Variants in NRG1 observed in about 807,000 individuals in gnomAD.
NRG1 encodes pro-neuregulin-1, membrane-bound isoform.
A neutral mutation model predicts 63.8 loss-of-function variants in NRG1; 18 were observed. That is an observed-to-expected ratio of 0.28 (90% CI 0.19 to 0.42). NRG1 has a LOEUF of 0.42. Among genes scored for constraint, NRG1 ranks in the 10% least tolerant of loss-of-function variants. NRG1 has a pLI of 1.00. For synonymous variants in NRG1, 302 were observed against 301.3 expected (o/e 1.00, Z -0.02); for missense variants, 762 against 814.7 (o/e 0.94, Z 0.79).
chr8:31,793,996 G>A (rs768686305), intron 1 of NRG1, among the ~76,000 whole-genome samples: 1 of 146,366 alleles, frequency 6.8e-6, no homozygotes, highest in African/African-American at 2.5e-5. Flanking sequence ...TTAACTTTAT[G>A]TTTTCCCCAA....
chr8:32,139,124 T>A, intron 1 of NRG1: 1 of 152,340 alleles, frequency 6.6e-6, no homozygotes, highest in African/African-American at 2.4e-5. Flanking sequence ...CCCAGATACA[T>A]GCAGAGTCAA....
chr8:32,095,217 G>A (rs974652094), intron 1 of NRG1, among the ~76,000 whole-genome samples: 1 of 152,056 alleles, frequency 6.6e-6, no homozygotes, highest in African/African-American at 2.4e-5. Flanking sequence ...GCCATTTTCA[G>A]CATTTTTTGA....
intron 1 of NRG1, among the ~76,000 whole-genome samples, chr8:31,908,681 G>T (rs905837921): frequency 7.9e-5 from 12 of 152,036 alleles, no homozygotes; most frequent in Admixed American, 7.9e-4. Context: ...AAAATATTAT[G>T]TAAATATTGC....
In NRG1 at chr8:31,813,305, A is replaced by G. The variant is rs1487220374; in HGVS notation, c.37+173874A>G. On this transcript the variant is annotated intron_variant, in intron 1 of 10. Coordinates refer to the NRG1 transcript ENST00000519301. Reference sequence around the variant, plus strand: ...GGGTACATAGTAGGTGTATGTATGTATGGGGTACATGTGATACTTTGGTGC... The same window carrying G: ...GGGTACATAGTAGGTGTATGTATGTGTGGGGTACATGTGATACTTTGGTGC... Among the ~76,000 whole-genome samples the G allele has an allele frequency of 3.3e-5, 5 of 152,268 alleles. No individual in the cohort carries two copies. The East Asian group carries it at 5.8e-4, about 18-fold the overall frequency.
intron 1 of NRG1, among the ~76,000 whole-genome samples, chr8:32,140,491 C>T (rs558276857): frequency 2.6e-5 from 4 of 151,592 alleles, no homozygotes; most frequent in African/African-American, 9.7e-5. Flanking sequence ...GAGAAAAGAC[C>T]TCACTCTGTT....
intron 1 of NRG1, among the ~76,000 whole-genome samples, chr8:31,975,060 T>C (rs577889060): frequency 6.6e-6 from 1 of 152,314 alleles, no homozygotes; most frequent in Non-Finnish European, 1.5e-5. Flanking sequence ...TGTCATCTTT[T>C]CTTTCAGGGT....
At chr8:31,779,394 G>T (rs1819460965) in intron 1 of NRG1, among the ~76,000 whole-genome samples, 1 of 151,860 alleles carries the variant, frequency 6.6e-6, no homozygotes, top group African/African-American at 2.4e-5. Flanking sequence ...TTTTGCTACA[G>T]ATTGCAGGCT....
At chr8:31,947,546 A>G (rs1286900746) in intron 1 of NRG1, among the ~76,000 whole-genome samples, 10 of 152,150 alleles carry the variant, frequency 6.6e-5, no homozygotes, top group Non-Finnish European at 4.4e-5. Context: ...CTCTGTTCAC[A>G]TATCCCTTTG....
chr8:32,050,566 A>G (rs1002873504), intron 1 of NRG1, among the ~76,000 whole-genome samples: 16 of 152,132 alleles, frequency 1.1e-4, no homozygotes, highest in African/African-American at 3.4e-4. Context: ...CTCCACAGAC[A>G]GCTTCTTGTG....
intron 1 of NRG1, among the ~76,000 whole-genome samples, chr8:32,094,819 A>C (rs1442683073): frequency 6.9e-6 from 1 of 144,594 alleles, no homozygotes; most frequent in African/African-American, 2.7e-5. Flanking sequence ...TCTGGCACCA[A>C]CCCAAACCAC....
At chr8:31,834,585 C>T (rs1196261183) in intron 1 of NRG1, among the ~76,000 whole-genome samples, 1 of 152,104 alleles carries the variant, frequency 6.6e-6, no homozygotes, top group East Asian at 1.9e-4. Context: ...GTGGTGTATG[C>T]CTGCAGTCCC....
At chr8:32,513,199 G>C (rs199863945) in intron 1 of NRG1, among the ~76,000 whole-genome samples, 3 of 132,932 alleles carry the variant, frequency 2.3e-5, no homozygotes, top group African/African-American at 8.8e-5. Flanking sequence ...GTGTATGCGT[G>C]TGTGCGTGTG....
intron 1 of NRG1, among the ~76,000 whole-genome samples, chr8:32,466,896 T>C (rs1823134959): frequency 6.6e-6 from 1 of 152,108 alleles, no homozygotes; most frequent in South Asian, 2.1e-4. Context: ...AGTAGAATGA[T>C]AATATTATTA....
chr8:32,452,584 G>A (rs1821097704), intron 1 of NRG1, among the ~76,000 whole-genome samples: 1 of 152,130 alleles, frequency 6.6e-6, no homozygotes, highest in Non-Finnish European at 1.5e-5. Context: ...GGGCTTAATT[G>A]TAAAAACCTT....
chr8:32,655,727 T>G (rs1801330974), intron 5 of NRG1, among the ~76,000 whole-genome samples: 1 of 152,168 alleles, frequency 6.6e-6, no homozygotes, highest in African/African-American at 2.4e-5. Context: ...CATAGATTAT[T>G]ACTTTTTGAG....
intron 1 of NRG1, among the ~76,000 whole-genome samples, chr8:31,657,223 G>T (rs1480810769): frequency 6.6e-6 from 1 of 152,046 alleles, no homozygotes; most frequent in Non-Finnish European, 1.5e-5. Context: ...TTTATATTGG[G>T]TTTTTCCTAA....
chr8:31,942,369 C>T (rs1161220869), intron 1 of NRG1, among the ~76,000 whole-genome samples: 1 of 152,090 alleles, frequency 6.6e-6, no homozygotes, highest in African/African-American at 2.4e-5. Flanking sequence ...CATCTCTTAT[C>T]CTATGCAAAA....
intron 1 of NRG1, among the ~76,000 whole-genome samples, chr8:32,127,528 C>CGTGTGTGTGTGTGTGTGT (rs3084577): frequency 4.8e-5 from 7 of 146,278 alleles, no homozygotes; most frequent in African/African-American, 1.3e-4. Context: ...TGTATCTGCA[C>CGTGTGTGTGTGTGTGTGT]GTGTGTGTGT....
At chr8:32,293,194 A>G (rs1410953193) in intron 1 of NRG1, among the ~76,000 whole-genome samples, 1 of 152,236 alleles carries the variant, frequency 6.6e-6, no homozygotes, top group Admixed American at 6.5e-5. Context: ...TTGTTCCGTT[A>G]TATGATAAAA....
Sources: gnomAD v4.1 joint callset for allele counts (sites outside exome capture counted in the v4.1 genomes callset) on GRCh38, gnomAD v4.1.1 for gene constraint, MANE v1.5 for transcripts, NCBI Gene and HGNC (gene_info 2026-07-23, HGNC 2026-07-21) for gene names.